Variants in TSPAN18 observed in about 807,000 individuals in gnomAD.
TSPAN18 encodes tetraspanin-18.
In TSPAN18, 14 loss-of-function variants were observed where a neutral mutation model predicts 27.3. The observed-to-expected ratio is 0.51, with a 90% confidence interval of 0.34 to 0.80. TSPAN18 has a LOEUF of 0.80. Ranked by LOEUF, TSPAN18 falls within the 30% of genes least tolerant of loss-of-function variation. The probability of loss-of-function intolerance (pLI) is 0.01; values close to 1 mark genes in which losing one functional copy is unlikely to be tolerated. For synonymous variants in TSPAN18, 143 were observed against 136.5 expected, an observed-to-expected ratio of 1.05 and a Z score of -0.33; for missense variants, 268 against 323.9, an observed-to-expected ratio of 0.83 and a Z score of 1.32.
chr11:44,794,662 T>C (rs1401907181), intron 2 of TSPAN18, among the ~76,000 whole-genome samples: 2 of 151,452 alleles, frequency 1.3e-5, no homozygotes, highest in African/African-American at 4.9e-5. Flanking sequence ...AGCAAGACTC[T>C]GTCTCAGGAA....
intron 2 of TSPAN18, among the ~76,000 whole-genome samples, chr11:44,834,901 G>A (rs535401501): frequency 3.9e-5 from 6 of 152,340 alleles, no homozygotes; most frequent in Admixed American, 3.3e-4. Context: ...GGGAAGGGGA[G>A]GAAAGCAAGG....
chr11:44,827,636 C>A (rs1021949355), intron 2 of TSPAN18, among the ~76,000 whole-genome samples: 5 of 152,212 alleles, frequency 3.3e-5, no homozygotes, highest in African/African-American at 1.2e-4. Context: ...TTAAAATTAT[C>A]CCCCTTTCAA....
chr11:44,809,393 A>G (rs1382433092), intron 2 of TSPAN18, among the ~76,000 whole-genome samples: 2 of 152,044 alleles, frequency 1.3e-5, no homozygotes, highest in Non-Finnish European at 2.9e-5. Flanking sequence ...CATGGAGACT[A>G]TGCAATCAGG....
At chr11:44,835,339 G>A (rs1038178244) in intron 2 of TSPAN18, among the ~76,000 whole-genome samples, 2 of 152,248 alleles carry the variant, frequency 1.3e-5, no homozygotes, top group Non-Finnish European at 2.9e-5. Context: ...CAGAGGCACA[G>A]CATATCCATA....
At chr11:44,792,248 C>T (rs768192241) in intron 2 of TSPAN18, among the ~76,000 whole-genome samples, 1 of 152,056 alleles carries the variant, frequency 6.6e-6, no homozygotes, top group Non-Finnish European at 1.5e-5. Flanking sequence ...AGGTCAGGGA[C>T]ACCTCTGTGA....
At chr11:44,818,153 C>T (rs997717403) in intron 2 of TSPAN18, among the ~76,000 whole-genome samples, 1 of 152,220 alleles carries the variant, frequency 6.6e-6, no homozygotes, top group Non-Finnish European at 1.5e-5. Context: ...GTCAGGATAT[C>T]CCACTTTTGC....
At chr11:44,843,247 G>C (rs1012341854) in intron 2 of TSPAN18, among the ~76,000 whole-genome samples, 3 of 152,308 alleles carry the variant, frequency 2.0e-5, no homozygotes, top group Non-Finnish European at 2.9e-5. Context: ...GTACAAAAGA[G>C]GGAAATTTTA....
chr11:44,843,645 A>C (rs935421447), intron 2 of TSPAN18, among the ~76,000 whole-genome samples: 11 of 152,170 alleles, frequency 7.2e-5, no homozygotes, highest in African/African-American at 2.2e-4. Flanking sequence ...TGCAATCTCC[A>C]CCATAAGAGA....
chr11:44,873,236 C>T (rs1271268282), intron 3 of TSPAN18, among the ~76,000 whole-genome samples: 2 of 152,210 alleles, frequency 1.3e-5, no homozygotes, highest in Non-Finnish European at 2.9e-5. Flanking sequence ...CACTTCGTGG[C>T]AACCTGGGGG....
At chr11:44,847,494 T>C (rs1238326213) in intron 2 of TSPAN18, among the ~76,000 whole-genome samples, 2 of 152,270 alleles carry the variant, frequency 1.3e-5, no homozygotes, top group African/African-American at 2.4e-5. Flanking sequence ...TTTTCATGGC[T>C]GAATACTATT....
intron 3 of TSPAN18, among the ~76,000 whole-genome samples, chr11:44,862,106 C>A (rs575082670): frequency 1.2e-4 from 18 of 152,178 alleles, no homozygotes; most frequent in African/African-American, 4.3e-4. Context: ...GAAGACCAAC[C>A]GCAGCCTTGC....
At chr11:44,760,994 A>G (rs1367660528) in intron 1 of TSPAN18, among the ~76,000 whole-genome samples, 3 of 152,208 alleles carry the variant, frequency 2.0e-5, no homozygotes, top group Admixed American at 2.0e-4. Flanking sequence ...ATCCTGCTAC[A>G]CATTTCTTAT....
chr11:44,859,195 G>C (rs1857813225), intron 2 of TSPAN18, among the ~76,000 whole-genome samples: 1 of 152,178 alleles, frequency 6.6e-6, no homozygotes, highest in Admixed American at 6.5e-5. Flanking sequence ...GGGAGCGAAG[G>C]TGGGTGCAGA....
intron 1 of TSPAN18, among the ~76,000 whole-genome samples, chr11:44,730,417 A>G (rs1358127893): frequency 1.3e-5 from 2 of 152,118 alleles, no homozygotes; most frequent in Non-Finnish European, 2.9e-5. Flanking sequence ...ACATTTGTTC[A>G]TGCTCAGCTG....
intron 2 of TSPAN18, among the ~76,000 whole-genome samples, chr11:44,801,709 T>C (rs1856484015): frequency 6.6e-6 from 1 of 152,206 alleles, no homozygotes; most frequent in African/African-American, 2.4e-5. Context: ...TTCAAGCCTT[T>C]ATCTCTTCAC....
intron 2 of TSPAN18, among the ~76,000 whole-genome samples, chr11:44,816,492 T>C (rs1195498466): frequency 6.6e-6 from 1 of 152,212 alleles, no homozygotes; most frequent in Non-Finnish European, 1.5e-5. Flanking sequence ...GCCTCTGTGT[T>C]GACACCAGGC....
At chr11:44,873,059 A>C (rs1858238173) in intron 3 of TSPAN18, among the ~76,000 whole-genome samples, 1 of 152,162 alleles carries the variant, frequency 6.6e-6, no homozygotes, top group Non-Finnish European at 1.5e-5. Flanking sequence ...GTTTCAGCTG[A>C]AGTCAGGAAG....
intron 1 of TSPAN18, among the ~76,000 whole-genome samples, chr11:44,731,627 TGTGTGTGAGAGA>T (rs1854658327): frequency 1.2e-5 from 1 of 84,578 alleles, no homozygotes; most frequent in Non-Finnish European, 2.7e-5. Context: ...TGTGTGTGTG[TGTGTGTGAGAGA>T]GAGAGAGAGA....
chr11:44,920,843 A>T (rs1860105334), intron 8 of TSPAN18, among the ~76,000 whole-genome samples: 1 of 152,222 alleles, frequency 6.6e-6, no homozygotes, highest in African/African-American at 2.4e-5. Flanking sequence ...TCACGATCTC[A>T]TTAGAGGACG....
Sources: gnomAD v4.1 joint callset for allele counts (sites outside exome capture counted in the v4.1 genomes callset) on GRCh38, gnomAD v4.1.1 for gene constraint, MANE v1.5 for transcripts, NCBI Gene and HGNC (gene_info 2026-07-23, HGNC 2026-07-21) for gene names.